The following NEK1 variants were observed in gnomAD, a reference collection of about 807,000 sequenced individuals.
The protein encoded by NEK1 is serine/threonine-protein kinase Nek1.
NEK1 carries 137 observed loss-of-function variants against 182.1 expected under a neutral mutation model. The ratio of observed to expected loss-of-function variants is 0.75; its 90% confidence interval spans 0.65 to 0.87. The LOEUF (loss-of-function observed/expected upper bound fraction) is 0.87. NEK1 is among the 40% of genes least tolerant of loss of function. The pLI, the probability that NEK1 is intolerant of heterozygous loss-of-function variation, is 0.00. For synonymous variants in NEK1, 513 were observed against 492.2 expected, an observed-to-expected ratio of 1.04 and a Z score of -0.56; for missense variants, 1,391 against 1,494.4, an observed-to-expected ratio of 0.93 and a Z score of 1.14.
intron 23 of NEK1, among the ~76,000 whole-genome samples, chr4:169,486,480 A>T (rs1749064705): frequency 6.6e-6 from 1 of 152,214 alleles, no homozygotes. Flanking sequence ...ACTTATTAGT[A>T]AGGATTTAAT....
At chr4:169,559,557 C>T (rs1035686819) in intron 16 of NEK1, among the ~76,000 whole-genome samples, 1 of 151,990 alleles carries the variant, frequency 6.6e-6, no homozygotes, top group Admixed American at 6.5e-5. Context: ...AAATCCAGGG[C>T]AGAATGTATA....
chr4:169,448,561 A>T (rs1043786528), intron 27 of NEK1, among the ~76,000 whole-genome samples: 16 of 152,226 alleles, frequency 1.1e-4, no homozygotes, highest in African/African-American at 3.6e-4. Context: ...CAACCAGAAA[A>T]CAAATAACAA....
At chr4:169,449,019 G>A (rs555078845) in intron 27 of NEK1, among the ~76,000 whole-genome samples, 27 of 152,318 alleles carry the variant, frequency 1.8e-4, no homozygotes, top group South Asian at 1.2e-3. Context: ...TGCCTGGCTC[G>A]GCAGGTCCCA....
Position 169,482,093 on chromosome 4 carries a change from A to T in NEK1, c.2008-2559T>A, listed in dbSNP as rs561944497. Among the ~76,000 whole-genome samples, 4 of 152,268 alleles carry T rather than the reference A, an allele frequency of 2.6e-5. No individual in the cohort carries two copies. In the South Asian group the frequency reaches 8.3e-4, roughly 32 times the overall value. On this transcript the variant is annotated intron_variant, in intron 23 of 35. Transcript: ENST00000507142. ...GAGGTGGCTTCTTTCCTTAAACCTT[A>T]TGAACCAATCTCTGCTAGCCAACAA... is the stretch of plus-strand genomic sequence containing the variant.
intron 23 of NEK1, among the ~76,000 whole-genome samples, chr4:169,480,892 T>C (rs1200282973): frequency 1.3e-5 from 2 of 152,210 alleles, no homozygotes; most frequent in African/African-American, 4.8e-5. Flanking sequence ...AAAATATTTA[T>C]CTGCAGCATG....
chr4:169,445,824 A>C (rs980110653), intron 27 of NEK1, among the ~76,000 whole-genome samples: 6 of 149,006 alleles, frequency 4.0e-5, no homozygotes, highest in Non-Finnish European at 8.9e-5. Context: ...TGCACCCACT[A>C]AACTTAAAAC....
chr4:169,569,411 G>A (rs1764251805), intron 12 of NEK1, among the ~76,000 whole-genome samples: 1 of 151,544 alleles, frequency 6.6e-6, no homozygotes, highest in Non-Finnish European at 1.5e-5. Flanking sequence ...TAAACATTAA[G>A]AATAAAAGCT....
At chr4:169,457,316 T>C (rs76860962) in intron 27 of NEK1, among the ~76,000 whole-genome samples, 2 of 152,128 alleles carry the variant, frequency 1.3e-5, no homozygotes, top group African/African-American at 2.4e-5. Context: ...AAATACCTCA[T>C]GTACCCAATA....
chr4:169,604,419 T>C (rs938598418), intron 2 of NEK1, among the ~76,000 whole-genome samples: 5 of 152,236 alleles, frequency 3.3e-5, no homozygotes, highest in Non-Finnish European at 7.3e-5. Flanking sequence ...ACCCTTATTG[T>C]AGACATACAT....
chr4:169,477,549 T>A (rs955579500), intron 24 of NEK1, 52 bp from the exon 25 acceptor site: 4 of 1,338,204 alleles, frequency 3.0e-6, no homozygotes, highest in Non-Finnish European at 4.1e-6. Flanking sequence ...TTTTTAAATC[T>A]ACCTTTAAAA....
In NEK1 at chr4:169,555,797, G is replaced by A. The variant is rs774640588; in HGVS notation, c.1485C>T (p.His495=). The A allele has an allele frequency of 1.9e-6, 3 of 1,613,656 alleles. No homozygotes were observed. The highest frequency in any genetic ancestry group is 1.7e-5 in the Admixed American group (1 of 59,978). ...PGFPYGAAGH[H]HFPDADDIRK... is the part of the protein sequence containing the mutation. ...TAATATCATCAGCATCAGGAAAATG[G>A]TGATGACCTGCAGCCCCATAAGGAA... Residue 495 remains histidine, a synonymous_variant, in exon 18 of 36, where the codon CAC becomes CAT. Transcript: ENST00000507142.
intron 32 of NEK1, 60 bp from the exon 33 acceptor site, chr4:169,401,920 A>G: frequency 7.2e-7 from 1 of 1,391,170 alleles, no homozygotes; most frequent in Non-Finnish European, 9.8e-7. Context: ...CAAGTTAAAC[A>G]ACTAAAACTA....
chr4:169,452,606 T>G (rs1467653649), intron 27 of NEK1, among the ~76,000 whole-genome samples: 3 of 152,140 alleles, frequency 2.0e-5, no homozygotes, highest in African/African-American at 7.2e-5. Flanking sequence ...TTCAACAAAA[T>G]TCAACAGCCC....
At chr4:169,404,844 T>A in intron 32 of NEK1, among the ~76,000 whole-genome samples, 1 of 152,226 alleles carries the variant, frequency 6.6e-6, no homozygotes, top group African/African-American at 2.4e-5. Flanking sequence ...GGGTTATCAC[T>A]CCTTACAGCT....
chr4:169,410,371 A>G (rs1733466146), intron 31 of NEK1, among the ~76,000 whole-genome samples: 1 of 152,204 alleles, frequency 6.6e-6, no homozygotes, highest in Non-Finnish European at 1.5e-5. Context: ...TAGTGAATGA[A>G]TTCAGTATTA....
At chr4:169,592,490 T>C in intron 5 of NEK1, among the ~76,000 whole-genome samples, 1 of 152,114 alleles carries the variant, frequency 6.6e-6, no homozygotes. Flanking sequence ...TAAAAAAATA[T>C]GCTTATATTC....
intron 23 of NEK1, among the ~76,000 whole-genome samples, chr4:169,494,924 C>T (rs1008082428): frequency 1.1e-4 from 17 of 152,136 alleles, no homozygotes; most frequent in East Asian, 1.9e-4. Context: ...TCATATCCTT[C>T]GCCCACTTTG....
Position 169,426,215 on chromosome 4 carries a change from TG to T in NEK1, c.2904del (p.Ile969PhefsTer23), listed in dbSNP as rs1736361831. ...TKETQSADRI[T>X]IQENEVSEDG... is the part of the protein sequence containing the mutation. ...TCTTCAGAAACTTCATTTTCCTGAATGGTGATCCTATCTGCCGACCTGCCAC... is the reference window on the plus strand; with the variant it reads ...TCTTCAGAAACTTCATTTTCCTGAATGTGATCCTATCTGCCGACCTGCCAC... On this transcript the variant is annotated frameshift_variant, in exon 30 of 36. Coordinates refer to ENST00000507142, the MANE Select transcript of NEK1 (RefSeq NM_001199397.3). LOFTEE classifies it high-confidence loss of function. The T allele has an allele frequency of 6.2e-7, 1 of 1,613,352 alleles. No individual in the cohort carries two copies. Among genetic ancestry groups the T allele is most frequent in the Admixed American group, 1.7e-5 (1 of 59,970 alleles).
intron 26 of NEK1, among the ~76,000 whole-genome samples, chr4:169,468,466 A>G (rs996151297): frequency 6.6e-6 from 1 of 152,192 alleles, no homozygotes; most frequent in African/African-American, 2.4e-5. Flanking sequence ...ATTTCATTGC[A>G]TGTAAATTTA....
Sources: allele counts gnomAD v4.1 joint callset (sites outside exome capture counted in the v4.1 genomes callset), GRCh38; gene constraint gnomAD v4.1.1; transcripts MANE v1.5; gene names NCBI Gene and HGNC (gene_info 2026-07-23, HGNC 2026-07-21).